The following SP110 variants were observed in gnomAD, a reference collection of about 807,000 sequenced individuals.
SP110 encodes SP110 nuclear body protein.
A neutral mutation model predicts 92.7 loss-of-function variants in SP110; 62 were observed. The ratio of observed to expected loss-of-function variants is 0.67; its 90% confidence interval spans 0.55 to 0.83. The LOEUF (loss-of-function observed/expected upper bound fraction) is 0.83, where lower values mean the gene tolerates loss of function less well. Ranked by LOEUF, SP110 falls within the 40% of genes least tolerant of loss-of-function variation. The probability of loss-of-function intolerance (pLI) is 0.00; values close to 1 mark genes in which losing one functional copy is unlikely to be tolerated. For synonymous variants in SP110, 273 were observed against 305.3 expected (o/e 0.89, Z 1.10); for missense variants, 793 against 863.9 (o/e 0.92, Z 1.03).
Position 230,209,785 on chromosome 2 carries a change from C to G in SP110, c.829+146G>C, listed in dbSNP as rs1465244068. The G allele has an allele frequency of 2.0e-5, 14 of 702,552 alleles. No individual in the cohort carries two copies. The Admixed American group carries it at 3.0e-4, about 15-fold the overall frequency. 43.5% of individuals were successfully genotyped at this position (702,552 alleles called of 1,614,324 possible). A position where few individuals can be genotyped will look rare whatever the true frequency, so the allele number is the denominator to read the frequency against. On this transcript the variant is annotated intron_variant, in intron 7 of 18. Coordinates refer to ENST00000258381, the MANE Select transcript of SP110 (RefSeq NM_080424.4). Reference sequence around the variant, plus strand: ...TTCATAAAGGCCTTTTTGGAAGATGCAGCAAATGGAAACTGCAGAAACGAA... The same window carrying G: ...TTCATAAAGGCCTTTTTGGAAGATGGAGCAAATGGAAACTGCAGAAACGAA...
chr2:230,212,197 C>T (rs934093380), intron 5 of SP110, 150 bp downstream of exon 5: 17 of 697,120 alleles, frequency 2.4e-5, no homozygotes, highest in East Asian at 5.4e-5. Context: ...TGCATTGCTG[C>T]GTTGGTGAAT....
intron 17 of SP110, among the ~76,000 whole-genome samples, chr2:230,171,072 C>T (rs1348754501): frequency 6.6e-6 from 1 of 152,154 alleles, no homozygotes; most frequent in African/African-American, 2.4e-5. Flanking sequence ...GAGATGGGAA[C>T]CCACACAGTT....
At chr2:230,179,786 C>T (rs561837585) in intron 12 of SP110, among the ~76,000 whole-genome samples, 3 of 151,962 alleles carry the variant, frequency 2.0e-5, no homozygotes, top group South Asian at 2.1e-4. Context: ...AACACATTCA[C>T]AAGCAGATGA....
At chr2:230,175,297 C>A (rs545139601) in intron 14 of SP110, among the ~76,000 whole-genome samples, 3 of 152,154 alleles carry the variant, frequency 2.0e-5, no homozygotes, top group Admixed American at 1.3e-4. Context: ...TGGTGGCTTT[C>A]CATTGATTGA....
In SP110 at chr2:230,178,389, C is replaced by A. The variant is rs944822879; in HGVS notation, c.1349-134G>T. 4.5e-6 allele frequency: 3 copies of A among 665,912 alleles called. No individual in the cohort carries two copies. In the African/African-American group the frequency reaches 5.3e-5, roughly 12 times the overall value. The allele number at this position is 665,912 out of a possible 1,614,324, so 41.3% of individuals were successfully genotyped here. On this transcript the variant is annotated intron_variant, in intron 12 of 18. Transcript: ENST00000258381. Reference sequence around the variant, plus strand: ...TCTGGTTAGTTTGCAGGAACTCTTTCATCTCGAGTGACAGATAAGCTATGT... The same window carrying A: ...TCTGGTTAGTTTGCAGGAACTCTTTAATCTCGAGTGACAGATAAGCTATGT...
chr2:230,216,371 C>T (rs2045175514), intron 2 of SP110, among the ~76,000 whole-genome samples: 1 of 152,156 alleles, frequency 6.6e-6, no homozygotes, highest in Non-Finnish European at 1.5e-5. Flanking sequence ...GAGATGAAAA[C>T]ATATCAGAGT....
At chr2:230,212,646 TG>T in intron 4 of SP110, 114 bp downstream of exon 4, 1 of 1,387,550 alleles carries the variant, frequency 7.2e-7, no homozygotes, top group South Asian at 1.2e-5. Context: ...TTTGGGTAGA[TG>T]GGTGCAAGAG....
upstream of SP110, among the ~76,000 whole-genome samples, chr2:230,223,039 C>CT (rs34477714): frequency 0.13 from 18,141 of 136,694 alleles, 1,366 homozygotes; most frequent in Middle Eastern, 0.23. Flanking sequence ...ATCAGTCTGA[C>CT]TTTTTTTTTT....
chr2:230,180,764 GC>G (rs2042094661), intron 12 of SP110, among the ~76,000 whole-genome samples: 1 of 152,304 alleles, frequency 6.6e-6, no homozygotes, highest in Non-Finnish European at 1.5e-5. Flanking sequence ...TACAGACAGT[GC>G]AGAAGGGAGA....
At chr2:230,189,463 T>G (rs1254355244) in intron 10 of SP110, among the ~76,000 whole-genome samples, 1 of 152,230 alleles carries the variant, frequency 6.6e-6, no homozygotes. Flanking sequence ...AGGAGCAGAT[T>G]ATTTAATTTC....
intron 1 of SP110, 23 bp downstream of exon 1, chr2:230,219,851 A>C: frequency 2.1e-6 from 2 of 930,550 alleles, no homozygotes; most frequent in Non-Finnish European, 2.6e-6. Context: ...GCGAAGAATA[A>C]AGCAGCAAAG....
Position 230,171,750 on chromosome 2 carries a change from G to A in SP110, c.1833C>T (p.Leu611=), listed in dbSNP as rs760384835. ...TTTGTGGATGACAGTAGGCCTTCAA[G>A]AGGAGGAACTCACATTTCTGTAAAA... ...PQDQLKCEFL[L]LKAYCHPQSS... Residue 611 remains leucine, a synonymous_variant, in exon 17 of 19, where the codon CTC becomes CTT. Transcript: ENST00000258381. The A allele has an allele frequency of 6.2e-7, 1 of 1,612,980 alleles. No individual in the cohort carries two copies. The highest frequency in any genetic ancestry group is 1.3e-5 in the African/African-American group (1 of 74,916).
chr2:230,183,750 AAGTTACATATG>A, intron 11 of SP110, 110 bp from the exon 12 acceptor site: 1 of 785,484 alleles, frequency 1.3e-6, no homozygotes, highest in South Asian at 1.4e-5. Context: ...TTGGAGAGAC[AAGTTACATATG>A]AGTCCTTATG....
intron 10 of SP110, 115 bp from the exon 11 acceptor site, chr2:230,186,258 A>C: frequency 9.9e-7 from 1 of 1,007,010 alleles, no homozygotes; most frequent in Non-Finnish European, 1.5e-6. Context: ...TCTTGTGTGT[A>C]TCTTTCTTCC....
chr2:230,170,758 G>T lies in SP110; in HGVS notation c.1891C>A (p.Arg631=). Residue 631 remains arginine (R), a synonymous_variant, in exon 18 of 19, where the codon CGA becomes AGA. Transcript: ENST00000258381. The part of the protein sequence containing the change: ...SFFTGIPFNI[R]DYGEPFQEAM... ...TCCTGAAAGGGCTCACCGTAATCTCGAATCTTGGGGACAAAGCCACCAGAG... is the reference window on the plus strand; with the variant it reads ...TCCTGAAAGGGCTCACCGTAATCTCTAATCTTGGGGACAAAGCCACCAGAG... 1 of 1,613,938 alleles carries T rather than the reference G, an allele frequency of 6.2e-7. No individual in the cohort carries two copies. The highest frequency in any genetic ancestry group is 8.5e-7 in the Non-Finnish European group (1 of 1,180,000).
At chr2:230,186,251 T>G in intron 10 of SP110, 108 bp from the exon 11 acceptor site, 1 of 1,071,756 alleles carries the variant, frequency 9.3e-7, no homozygotes, top group Non-Finnish European at 1.4e-6. Context: ...TCTCTTTTCT[T>G]GTGTGTATCT....
intron 17 of SP110, 138 bp downstream of exon 17, chr2:230,171,558 G>T: frequency 1.4e-6 from 1 of 738,726 alleles, no homozygotes; most frequent in South Asian, 1.5e-5. Context: ...CAAAATCCCT[G>T]CTGCCCCGCT....
At chr2:230,170,542 A>T in intron 18 of SP110, 79 bp downstream of exon 18, 1 of 1,547,262 alleles carries the variant, frequency 6.5e-7, no homozygotes, top group East Asian at 2.2e-5. Context: ...ACTGAGTGTA[A>T]TACTTGCAAA....
intron 10 of SP110, chr2:230,200,346 G>C (rs1169288348): frequency 6.3e-6 from 1 of 157,956 alleles, no homozygotes; most frequent in African/African-American, 2.4e-5. Flanking sequence ...AGTGAGGGGT[G>C]AATTAACATG....
Sources: gnomAD v4.1 joint callset for allele counts (sites outside exome capture counted in the v4.1 genomes callset) on GRCh38, gnomAD v4.1.1 for gene constraint, MANE v1.5 for transcripts, NCBI Gene and HGNC (gene_info 2026-07-23, HGNC 2026-07-21) for gene names.